Variants in GRIK4 observed in about 807,000 individuals in gnomAD.
The protein encoded by GRIK4 is glutamate receptor ionotropic, kainate 4.
A neutral mutation model predicts 104.9 loss-of-function variants in GRIK4; 40 were observed. The observed-to-expected ratio is 0.38, with a 90% CI of 0.30 to 0.50. GRIK4 has a LOEUF of 0.50. Among genes scored for constraint, GRIK4 ranks in the 20% least tolerant of loss-of-function variants. The pLI is 0.93. For missense variants in GRIK4, 1,047 were observed against 1,308.1 expected, an observed-to-expected ratio of 0.80 and a Z score of 3.08; for synonymous variants, 485 against 524.9, an observed-to-expected ratio of 0.92 and a Z score of 1.04.
At chr11:120,724,390 A>T (rs1222633049) in intron 3 of GRIK4, among the ~76,000 whole-genome samples, 1 of 152,210 alleles carries the variant, frequency 6.6e-6, no homozygotes, top group Admixed American at 6.5e-5. Context: ...CAGTTAAAGG[A>T]CATTTGAGTT....
At position 120,973,182 on chromosome 11, in the gene GRIK4, T is replaced by G. The variant is rs531829728; in HGVS notation, c.2395+5859T>G. Among the ~76,000 whole-genome samples the G allele has an allele frequency of 4.6e-5, 7 of 152,274 alleles. No individual in the cohort carries two copies. The South Asian group carries it at 1.5e-3, about 32-fold the overall frequency. On this transcript the variant is annotated intron_variant, in intron 19 of 20. Transcript: ENST00000527524. ...GAGGTGGAATAGAAATATAAAGTTA[T>G]AATTGTTGCAGTTGTTGGCCTTGGA... is the stretch of plus-strand genomic sequence containing the variant.
chr11:120,698,882 A>G (rs1950502778), intron 3 of GRIK4, among the ~76,000 whole-genome samples: 1 of 152,242 alleles, frequency 6.6e-6, no homozygotes, highest in Non-Finnish European at 1.5e-5. Context: ...TTGGTGCATT[A>G]GATTAATCAG....
chr11:120,560,900 C>CT (rs1478266872), intron 1 of GRIK4, among the ~76,000 whole-genome samples: 1 of 152,150 alleles, frequency 6.6e-6, no homozygotes, highest in Admixed American at 6.5e-5. Context: ...TCTGTGGGTC[C>CT]TTTCTGTCTG....
At chr11:120,697,508 G>T (rs1950471174) in intron 3 of GRIK4, among the ~76,000 whole-genome samples, 3 of 152,178 alleles carry the variant, frequency 2.0e-5, no homozygotes, top group African/African-American at 7.2e-5. Context: ...CTAGCTACTG[G>T]GGAGGCTGAG....
chr11:120,530,913 C>T (rs370911703), intron 1 of GRIK4, among the ~76,000 whole-genome samples: 13 of 152,264 alleles, frequency 8.5e-5, no homozygotes, highest in South Asian at 6.2e-4. Context: ...GGAGCATCAT[C>T]GGCTGGAGAA....
Position 120,746,726 on chromosome 11 carries a change from A to G in GRIK4, c.83-55967A>G, listed in dbSNP as rs7932206. Among the ~76,000 whole-genome samples, 1,517 of 152,300 alleles carry G rather than the reference A, an allele frequency of 1.0e-2. 22 individuals carry two copies. Among genetic ancestry groups the G allele is most frequent in the African/African-American group, 0.035 (1,442 of 41,572 alleles). On this transcript the variant is annotated intron_variant, in intron 3 of 20. Coordinates refer to ENST00000527524, the MANE Select transcript of GRIK4 (RefSeq NM_014619.5). ...CATGAGCTGCAAGCATTGGATGGCA[A>G]TGTCTCTCTGTCATCATCAGGAATG...
chr11:120,820,499 A>G (rs1953089532), intron 6 of GRIK4, among the ~76,000 whole-genome samples: 1 of 152,222 alleles, frequency 6.6e-6, no homozygotes, highest in Non-Finnish European at 1.5e-5. Flanking sequence ...AATTTGTGAC[A>G]TAAATTTAGT....
intron 13 of GRIK4, among the ~76,000 whole-genome samples, chr11:120,917,262 AAAAAAAAAAAGAAAG>A: frequency 6.8e-6 from 1 of 147,580 alleles, no homozygotes; most frequent in Non-Finnish European, 1.5e-5. Flanking sequence ...AAAAAAAAAA[AAAAAAAAAAAGAAAG>A]AAAGAAAGAA....
At chr11:120,591,524 C>T (rs960557599) in intron 1 of GRIK4, among the ~76,000 whole-genome samples, 9 of 152,116 alleles carry the variant, frequency 5.9e-5, no homozygotes, top group Non-Finnish European at 1.3e-4. Flanking sequence ...AATGTAAAAG[C>T]GTGTTGTAAG....
At position 120,986,403 on chromosome 11, in the gene GRIK4, A is replaced by C; in HGVS notation, c.*143A>C. 3.4e-4 allele frequency: 389 copies of C among 1,136,084 alleles called. No individual in the cohort carries two copies. The highest frequency in any genetic ancestry group is 4.2e-4 in the Non-Finnish European group (357 of 855,226). 70.4% of individuals were successfully genotyped at this position (1,136,084 alleles called of 1,614,324 possible). A position where few individuals can be genotyped will look rare whatever the true frequency, so the allele number is the denominator to read the frequency against. On this transcript the variant is annotated 3_prime_UTR_variant, in exon 21 of 21. Coordinates refer to ENST00000527524, the MANE Select transcript of GRIK4 (RefSeq NM_014619.5). Reference sequence around the variant, plus strand: ...GATCCAGTCACTTTTCAAAAAGATCAAGGAGCCTGACGCCCCAGCCAGAGA... The same window carrying C: ...GATCCAGTCACTTTTCAAAAAGATCCAGGAGCCTGACGCCCCAGCCAGAGA...
intron 3 of GRIK4, among the ~76,000 whole-genome samples, chr11:120,727,829 T>A (rs1453655124): frequency 6.6e-6 from 1 of 151,956 alleles, no homozygotes; most frequent in East Asian, 1.9e-4. Flanking sequence ...ACACTATAAA[T>A]AATGCTTATG....
chr11:120,621,221 C>G (rs575747306), intron 1 of GRIK4, among the ~76,000 whole-genome samples: 26 of 152,080 alleles, frequency 1.7e-4, no homozygotes, highest in Admixed American at 1.6e-3. Context: ...TCTGCAGGGT[C>G]GGTGGATGAT....
chr11:120,757,033 G>A (rs1224558934), intron 3 of GRIK4, among the ~76,000 whole-genome samples: 1 of 152,182 alleles, frequency 6.6e-6, no homozygotes, highest in Non-Finnish European at 1.5e-5. Context: ...CAGTTTGATG[G>A]CCCGTGAGTG....
chr11:120,734,198 T>G (rs1456878809), intron 3 of GRIK4, among the ~76,000 whole-genome samples: 3 of 65,128 alleles, frequency 4.6e-5, no homozygotes, highest in Admixed American at 2.8e-4. Context: ...AAGAACTACC[T>G]TTAGCATTTT....
At chr11:120,817,821 C>T (rs1028869311) in intron 5 of GRIK4, among the ~76,000 whole-genome samples, 1 of 152,212 alleles carries the variant, frequency 6.6e-6, no homozygotes, top group East Asian at 1.9e-4. Context: ...GCCCTCACCC[C>T]CTGTACGCAC....
intron 6 of GRIK4, among the ~76,000 whole-genome samples, chr11:120,823,013 A>G (rs776873575): frequency 2.0e-4 from 30 of 152,218 alleles, no homozygotes; most frequent in African/African-American, 2.9e-4. Context: ...CGAATGGTGT[A>G]ACAGGCTCAA....
intron 9 of GRIK4, chr11:120,868,302 AAAC>A (rs1954481419): frequency 6.6e-6 from 1 of 152,184 alleles, no homozygotes; most frequent in South Asian, 2.1e-4. Context: ...GAAAATATAA[AAAC>A]AAGAGAATCG....
At chr11:120,748,306 AT>A (rs1433650123) in intron 3 of GRIK4, among the ~76,000 whole-genome samples, 1 of 151,826 alleles carries the variant, frequency 6.6e-6, no homozygotes, top group Non-Finnish European at 1.5e-5. Context: ...AGCACTTTTA[AT>A]TTGCTTGGAA....
At position 120,635,055 on chromosome 11, in the gene GRIK4, T is replaced by C. The variant is rs1949381729; in HGVS notation, c.-158-18630T>C. Among the ~76,000 whole-genome samples the C allele has an allele frequency of 1.3e-5, 2 of 152,134 alleles. 1 individual carries two copies. Among genetic ancestry groups the C allele is most frequent in the South Asian group, 4.1e-4 (2 of 4,822 alleles). ...GGCTTGTTTCTTGCCTTCTTTCCGTTTTCCAGACAGAGGAGATAGGAGGGC... is the reference window on the plus strand; with the variant it reads ...GGCTTGTTTCTTGCCTTCTTTCCGTCTTCCAGACAGAGGAGATAGGAGGGC... On this transcript the variant is annotated intron_variant, in intron 1 of 20. Coordinates refer to ENST00000527524, the MANE Select transcript of GRIK4 (RefSeq NM_014619.5).
Sources: allele counts gnomAD v4.1 joint callset (sites outside exome capture counted in the v4.1 genomes callset), GRCh38; gene constraint gnomAD v4.1.1; transcripts MANE v1.5; gene names NCBI Gene and HGNC (gene_info 2026-07-23, HGNC 2026-07-21).